NCOA2: variants seen among roughly 807,000 people sequenced by gnomAD.
The protein encoded by NCOA2 is class E basic helix-loop-helix protein 75.
In NCOA2, 21 loss-of-function variants were observed where a neutral mutation model predicts 145.1. That is an observed-to-expected ratio of 0.14 (90% CI 0.10 to 0.21). The LOEUF (loss-of-function observed/expected upper bound fraction) is 0.21, where lower values mean the gene tolerates loss of function less well. Ranked by LOEUF, NCOA2 falls within the 10% of genes least tolerant of loss-of-function variation. The pLI, the probability that NCOA2 is intolerant of heterozygous loss-of-function variation, is 1.00. For synonymous variants in NCOA2, 619 were observed against 637.5 expected, an observed-to-expected ratio of 0.97 and a Z score of 0.44; for missense variants, 1,472 against 1,837.6, an observed-to-expected ratio of 0.80 and a Z score of 3.64.
At chr8:70,122,237 A>C (rs2131358182) in intron 21 of NCOA2, among the ~76,000 whole-genome samples, 1 of 152,268 alleles carries the variant, frequency 6.6e-6, no homozygotes, top group South Asian at 2.1e-4. Flanking sequence ...AAGCATAGAT[A>C]TCTCTCTATA....
At position 70,145,079 on chromosome 8, in the gene NCOA2, A is replaced by T. The variant is rs1810880150; in HGVS notation, c.2606-231T>A. On this transcript the variant is annotated intron_variant, in intron 12 of 22. Coordinates refer to ENST00000452400, the MANE Select transcript of NCOA2 (RefSeq NM_006540.4). The stretch of plus-strand genomic sequence containing the variant: ...TCTTGACGATCTTGCAAAACAAAAC[A>T]AACACATGTATATTATTTACCATAT... 2.0e-5 allele frequency among the ~76,000 whole-genome samples: 3 copies of T among 152,258 alleles called. No homozygotes were observed. The South Asian group carries it at 6.2e-4, about 31-fold the overall frequency.
At chr8:70,128,349 AAGTT>A (rs1808682935) in intron 18 of NCOA2, 80 bp downstream of exon 18, 7 of 1,163,598 alleles carry the variant, frequency 6.0e-6, no homozygotes, top group Middle Eastern at 1.9e-4. Context: ...CACGTCTACT[AAGTT>A]AACTTTCTTC....
At chr8:70,275,710 A>T (rs1435318105) in intron 2 of NCOA2, among the ~76,000 whole-genome samples, 1 of 152,222 alleles carries the variant, frequency 6.6e-6, no homozygotes, top group Non-Finnish European at 1.5e-5. Flanking sequence ...TGCTTTCCTG[A>T]TTAATTAGAA....
chr8:70,232,963 A>G (rs868548955), intron 2 of NCOA2, among the ~76,000 whole-genome samples: 1 of 152,078 alleles, frequency 6.6e-6, no homozygotes, highest in East Asian at 1.9e-4. Flanking sequence ...GCGGTAGCTC[A>G]TGCCTGTAAT....
intron 22 of NCOA2, among the ~76,000 whole-genome samples, chr8:70,117,782 A>C (rs946595671): frequency 1.3e-5 from 2 of 152,262 alleles, no homozygotes; most frequent in African/African-American, 4.8e-5. Context: ...TAGCTCTACC[A>C]GACAGTTGTG....
chr8:70,296,113 C>A (rs1827074062), intron 2 of NCOA2, among the ~76,000 whole-genome samples: 5 of 152,122 alleles, frequency 3.3e-5, no homozygotes, highest in Admixed American at 2.6e-4. Flanking sequence ...GTTAGGGATG[C>A]TGTTTTGAAC....
chr8:70,360,326 A>C (rs995335954), intron 1 of NCOA2, among the ~76,000 whole-genome samples: 2 of 152,240 alleles, frequency 1.3e-5, no homozygotes, highest in African/African-American at 4.8e-5. Context: ...GGTACATTTT[A>C]ATGAAAATTC....
the NCOA2 span, among the ~76,000 whole-genome samples, chr8:70,450,397 A>G: frequency 6.6e-6 from 1 of 152,122 alleles, no homozygotes; most frequent in South Asian, 2.1e-4. Flanking sequence ...AGAAGGTACC[A>G]TCTCTGAATC....
In NCOA2 at chr8:70,139,455, G is replaced by A. The variant is rs904517217; in HGVS notation, c.3029-1123C>T. On this transcript the variant is annotated intron_variant, in intron 14 of 22. Transcript: ENST00000452400. The stretch of plus-strand genomic sequence containing the variant: ...CAGAAATCAGTTTTTAGCATTTTTC[G>A]TGCTGTCAAATTATACAAATTTATG... Among the ~76,000 whole-genome samples, 7 of 151,680 alleles carry A rather than the reference G, an allele frequency of 4.6e-5. No individual in the cohort carries two copies. In the South Asian group the frequency reaches 8.4e-4, roughly 18 times the overall value.
At position 70,170,339 on chromosome 8, in the gene NCOA2, T is replaced by G. The variant is rs1563562961; in HGVS notation, c.404A>C (p.Asn135Thr). 8 of 1,603,388 alleles carry G rather than the reference T, an allele frequency of 5.0e-6. No individual in the cohort carries two copies. Among genetic ancestry groups the G allele is most frequent in the Non-Finnish European group, 6.0e-6 (7 of 1,174,616 alleles). Residue 135 changes from asparagine (N) to threonine (T), a missense_variant, in exon 6 of 23, where the codon AAC becomes ACC. Around this residue, in one of 4 missense-constraint regions of NCOA2, gnomAD observed 284 missense variants for 467.8 expected, o/e 0.61. Transcript: ENST00000452400. ...CACATTCTCTGACACAAACACAACG[T>G]TGCCTTCCAGGTTCACTACAAAGAA... ...GFFFVVNLEG[N>T]VVFVSENVTQ...
intron 2 of NCOA2, among the ~76,000 whole-genome samples, chr8:70,237,781 A>G (rs1821760000): frequency 6.6e-6 from 1 of 152,076 alleles, no homozygotes; most frequent in South Asian, 2.1e-4. Flanking sequence ...CAAAACAACA[A>G]AAGAAGAGTT....
chr8:70,296,904 T>A (rs1415849644), intron 1 of NCOA2, 104 bp from the exon 2 acceptor site: 1 of 152,246 alleles, frequency 6.6e-6, no homozygotes. Flanking sequence ...TAATACTTGT[T>A]AATTGCCATC....
intron 3 of NCOA2, 81 bp from the exon 4 acceptor site, chr8:70,214,156 T>TACAAAGATAGCA: frequency 7.4e-7 from 1 of 1,342,420 alleles, no homozygotes; most frequent in Admixed American, 2.3e-5. Context: ...ACAAGTTTAA[T>TACAAAGATAGCA]ACAAAGATAG....
At chr8:70,170,595 G>T (rs552976787) in intron 5 of NCOA2, among the ~76,000 whole-genome samples, 32 of 152,178 alleles carry the variant, frequency 2.1e-4, no homozygotes, top group Non-Finnish European at 3.8e-4. Flanking sequence ...AGAGAGCCTA[G>T]ACTAGGGTTT....
chr8:70,405,276 GTT>G (rs1814716222), upstream of NCOA2, among the ~76,000 whole-genome samples: 1 of 152,002 alleles, frequency 6.6e-6, no homozygotes, highest in South Asian at 2.1e-4. Context: ...GTGTGTCTGT[GTT>G]TGTTTGTGGA....
At chr8:70,411,264 A>G in the NCOA2 span, among the ~76,000 whole-genome samples, 1 of 152,204 alleles carries the variant, frequency 6.6e-6, no homozygotes. Flanking sequence ...AACATTGTAC[A>G]GGCAGTTCTA....
intron 1 of NCOA2, among the ~76,000 whole-genome samples, chr8:70,379,013 C>T (rs1285259686): frequency 1.3e-5 from 2 of 152,142 alleles, no homozygotes; most frequent in Non-Finnish European, 2.9e-5. Context: ...AATCTCTATG[C>T]TTGATGCCTT....
intron 2 of NCOA2, among the ~76,000 whole-genome samples, chr8:70,282,726 T>C (rs545694552): frequency 1.7e-4 from 26 of 151,730 alleles, no homozygotes; most frequent in African/African-American, 6.3e-4. Context: ...CCTGGACTTG[T>C]TTCTTCCCAA....
chr8:70,132,668 G>T (rs1375997868), intron 15 of NCOA2, among the ~76,000 whole-genome samples: 2 of 152,090 alleles, frequency 1.3e-5, no homozygotes, highest in Non-Finnish European at 2.9e-5. Flanking sequence ...GGGCTTAGGT[G>T]ATCCTCCTAC....
Sources: allele counts gnomAD v4.1 joint callset (sites outside exome capture counted in the v4.1 genomes callset), GRCh38; gene constraint gnomAD v4.1.1; regional missense constraint gnomAD v4.1.1; transcripts MANE v1.5; gene names NCBI Gene and HGNC (gene_info 2026-07-23, HGNC 2026-07-21).